ITCH: variants seen among roughly 807,000 people sequenced by gnomAD.
ITCH encodes E3 ubiquitin-protein ligase Itchy homolog.
ITCH carries 28 observed loss-of-function variants against 126.8 expected under a neutral mutation model. The ratio of observed to expected loss-of-function variants is 0.22; its 90% CI spans 0.16 to 0.30. The LOEUF (loss-of-function observed/expected upper bound fraction) is 0.30. Ranked by LOEUF, ITCH falls within the 10% of genes least tolerant of loss-of-function variation. ITCH has a pLI of 1.00. For missense variants in ITCH, 631 were observed against 1,032.4 expected, an observed-to-expected ratio of 0.61 and a Z score of 5.33; for synonymous variants, 342 against 340.0, an observed-to-expected ratio of 1.01 and a Z score of -0.06.
intron 3 of ITCH, among the ~76,000 whole-genome samples, chr20:34,408,308 A>T (rs1199062995): frequency 6.6e-6 from 1 of 152,186 alleles, no homozygotes; most frequent in South Asian, 2.1e-4. Flanking sequence ...TACTGAGCTT[A>T]GGCAATCCTC....
At chr20:34,504,504 A>G in intron 24 of ITCH, 101 bp downstream of exon 24, 1 of 773,510 alleles carries the variant, frequency 1.3e-6, no homozygotes, top group South Asian at 1.5e-5. Context: ...GTAGATTTAC[A>G]GAATAGCACA....
chr20:34,402,620 C>G, intron 3 of ITCH: 1 of 615,300 alleles, frequency 1.6e-6, no homozygotes, highest in Non-Finnish European at 3.1e-6. Context: ...ACAGTTGGTA[C>G]ATATTCTGAT....
chr20:34,425,712 TAC>T (rs1036080236), intron 7 of ITCH, among the ~76,000 whole-genome samples: 1 of 152,226 alleles, frequency 6.6e-6, no homozygotes, highest in Non-Finnish European at 1.5e-5. Flanking sequence ...GTATTCATGA[TAC>T]AGATTCCTTT....
At chr20:34,367,960 T>C (rs2037478568) in intron 1 of ITCH, among the ~76,000 whole-genome samples, 1 of 152,150 alleles carries the variant, frequency 6.6e-6, no homozygotes, top group Non-Finnish European at 1.5e-5. Flanking sequence ...TTTTGTTATA[T>C]TCATTCTGTC....
rs1035218399 is a variant in ITCH, at chr20:34,479,740, A to G, written c.1769A>G (p.Asn590Ser). 6.2e-7 allele frequency: 1 copy of G among 1,614,138 alleles called. No homozygotes were observed. Among genetic ancestry groups the G allele is most frequent in the Non-Finnish European group, 8.5e-7 (1 of 1,180,014 alleles). ...CLQINPASYI[N>S]PDHLKYFRFI... The stretch of plus-strand genomic sequence containing the variant: ...CAGATAAACCCCGCTTCTTACATCA[A>G]TCCAGATCACCTGAAATATTTTCGT... The change falls in exon 18 of 25, where the codon AAT (asparagine) becomes AGT (serine). Residue 590 changes from asparagine (N) to serine (S), a missense_variant. Physicochemically the swap from Asn to Ser is conservative, Grantham distance 46. Transcript: ENST00000374864.
intron 3 of ITCH, among the ~76,000 whole-genome samples, chr20:34,407,928 A>T (rs562798560): frequency 1.3e-5 from 2 of 152,304 alleles, no homozygotes; most frequent in South Asian, 4.1e-4. Context: ...CATGGTAGGC[A>T]TTCAGATGTT....
intron 6 of ITCH, among the ~76,000 whole-genome samples, chr20:34,416,592 A>C (rs1202641056): frequency 6.6e-6 from 1 of 152,178 alleles, no homozygotes; most frequent in African/African-American, 2.4e-5. Context: ...AACCATAGCT[A>C]AGGGGAGGCC....
chr20:34,492,280 C>A (rs1292572660), intron 22 of ITCH, among the ~76,000 whole-genome samples: 3 of 152,160 alleles, frequency 2.0e-5, no homozygotes, highest in African/African-American at 7.2e-5. Context: ...CCTATAGTCC[C>A]AGCTACTCTG....
chr20:34,493,090 A>G (rs946340221), intron 23 of ITCH, among the ~76,000 whole-genome samples: 2 of 152,246 alleles, frequency 1.3e-5, no homozygotes, highest in African/African-American at 4.8e-5. Context: ...AATGAATATT[A>G]AGATGAATGA....
chr20:34,503,850 TG>T (rs1176412672), intron 23 of ITCH, among the ~76,000 whole-genome samples: 2 of 147,242 alleles, frequency 1.4e-5, no homozygotes, highest in African/African-American at 2.5e-5. Flanking sequence ...TTGGGTTTTT[TG>T]GGTTTTTTTT....
intron 1 of ITCH, among the ~76,000 whole-genome samples, chr20:34,364,745 C>T (rs1234487285): frequency 2.5e-5 from 2 of 78,776 alleles, no homozygotes; most frequent in Non-Finnish European, 5.1e-5. Flanking sequence ...AAAAAAAAAT[C>T]CTGGGCGTGG....
rs1184877250 is a variant in ITCH at position 34,489,258 on chromosome 20, T to C, written c.2094-8T>C. ...TTCCTGATAGGTTTTTTCATATTTG[T>C]TTGCCAGAATGGTAGCTGAGTGGAG... On this transcript the variant is annotated splice_region_variant and splice_polypyrimidine_tract_variant and intron_variant, in intron 20 of 24. Coordinates refer to ENST00000374864, the MANE Select transcript of ITCH (RefSeq NM_031483.7). 1.9e-6 allele frequency: 3 copies of C among 1,612,966 alleles called. No individual in the cohort carries two copies. In the East Asian group the frequency reaches 6.7e-5, roughly 36 times the overall value.
intron 4 of ITCH, among the ~76,000 whole-genome samples, chr20:34,409,035 T>G (rs1056567263): frequency 1.3e-5 from 2 of 151,764 alleles, no homozygotes; most frequent in African/African-American, 4.8e-5. Flanking sequence ...GATATTGCTC[T>G]TGTCACTGAA....
intron 13 of ITCH, among the ~76,000 whole-genome samples, 195 bp downstream of exon 13, chr20:34,457,669 A>C (rs1986135340): frequency 6.6e-6 from 1 of 152,170 alleles, no homozygotes; most frequent in Non-Finnish European, 1.5e-5. Flanking sequence ...TGCAGGAAAA[A>C]ACTTTAACTG....
chr20:34,383,155 T>A (rs1044378650), intron 2 of ITCH, among the ~76,000 whole-genome samples: 1 of 152,042 alleles, frequency 6.6e-6, no homozygotes, highest in African/African-American at 2.4e-5. Flanking sequence ...GATGCTCCTG[T>A]GTCAGTCTCC....
intron 12 of ITCH, among the ~76,000 whole-genome samples, chr20:34,452,355 G>A (rs1985370719): frequency 6.6e-6 from 1 of 152,170 alleles, no homozygotes. Flanking sequence ...ATCCAGCTTA[G>A]CCAGGTTATT....
intron 20 of ITCH, 58 bp downstream of exon 20, chr20:34,481,264 G>T: frequency 6.6e-7 from 1 of 1,518,746 alleles, no homozygotes; most frequent in Non-Finnish European, 9.1e-7. Flanking sequence ...ATTGATAATT[G>T]CTTACTAATA....
At chr20:34,392,815 T>C (rs1290169548) in intron 2 of ITCH, among the ~76,000 whole-genome samples, 1 of 151,872 alleles carries the variant, frequency 6.6e-6, no homozygotes, top group Non-Finnish European at 1.5e-5. Flanking sequence ...GGTTGGGGAG[T>C]GGTGGTGTGC....
chr20:34,372,396 T>C (rs1439509152), intron 2 of ITCH, among the ~76,000 whole-genome samples: 3 of 141,020 alleles, frequency 2.1e-5, no homozygotes, highest in African/African-American at 8.2e-5. Context: ...TTTTTTTTTT[T>C]TTGAGAGGGA....
Sources: gnomAD v4.1 joint callset for allele counts (sites outside exome capture counted in the v4.1 genomes callset) on GRCh38, gnomAD v4.1.1 for gene constraint, MANE v1.5 for transcripts, NCBI Gene and HGNC (gene_info 2026-07-23, HGNC 2026-07-21) for gene names.